Variants in ZNF83 observed in about 807,000 individuals in gnomAD.
The protein encoded by ZNF83 is zinc finger protein 83, also known as zinc finger protein 816B.
For synonymous variants in ZNF83, 209 were observed against 213.0 expected, an observed-to-expected ratio of 0.98 and a Z score of 0.17; for missense variants, 552 against 629.9, an observed-to-expected ratio of 0.88 and a Z score of 1.32.
intron 2 of ZNF83, among the ~76,000 whole-genome samples, chr19:52,633,853 T>C (rs2061055127): frequency 6.6e-6 from 1 of 152,010 alleles, no homozygotes; most frequent in Admixed American, 6.6e-5. Flanking sequence ...GAGGTTGCGG[T>C]GAGCAAAGAT....
intron 2 of ZNF83, among the ~76,000 whole-genome samples, chr19:52,615,301 T>C (rs1012532): frequency 0.2 from 30,959 of 151,854 alleles, 3,776 homozygotes; most frequent in East Asian, 0.48. Context: ...CCCAATATTA[T>C]GTTATTGCAA....
chr19:52,644,323 T>G (rs912780152), intron 3 of ZNF83, among the ~76,000 whole-genome samples: 4 of 152,166 alleles, frequency 2.6e-5, no homozygotes, highest in African/African-American at 9.6e-5. Context: ...TCACTCAGGT[T>G]GAGCTTTTCC....
At chr19:52,676,270 C>G (rs1174384792) in intron 1 of ZNF83, among the ~76,000 whole-genome samples, 1 of 152,206 alleles carries the variant, frequency 6.6e-6, no homozygotes, top group Non-Finnish European at 1.5e-5. Context: ...GACGGAGTCT[C>G]GTTCACTCAG....
chr19:52,645,121 C>A (rs2061356033), intron 3 of ZNF83, among the ~76,000 whole-genome samples: 1 of 151,856 alleles, frequency 6.6e-6, no homozygotes. Context: ...GGGAAACATG[C>A]ACTTAATAGC....
At chr19:52,664,749 G>A (rs2061626105) in intron 1 of ZNF83, among the ~76,000 whole-genome samples, 1 of 150,466 alleles carries the variant, frequency 6.6e-6, no homozygotes. Flanking sequence ...CAAGGGGCCT[G>A]GTGTGGGGGG....
At chr19:52,656,222 C>CTATATA (rs1208967617) in intron 2 of ZNF83, among the ~76,000 whole-genome samples, 2 of 127,390 alleles carry the variant, frequency 1.6e-5, no homozygotes, top group African/African-American at 5.5e-5. Context: ...CTCTCTCTCT[C>CTATATA]TCTCTATATA....
chr19:52,672,600 G>A (rs2061741407), intron 1 of ZNF83, among the ~76,000 whole-genome samples: 1 of 152,118 alleles, frequency 6.6e-6, no homozygotes, highest in Non-Finnish European at 1.5e-5. Flanking sequence ...AATTAATTAA[G>A]TTACTTATTT....
intron 2 of ZNF83, among the ~76,000 whole-genome samples, chr19:52,616,433 C>T (rs1172549311): frequency 1.3e-5 from 2 of 152,180 alleles, no homozygotes; most frequent in Admixed American, 1.3e-4. Flanking sequence ...ATGTATGTTT[C>T]TTGCAGCAAT....
At chr19:52,670,193 TGATCACCTGCCCCACCCTGACTCACTCC>T (rs1429505558) in intron 1 of ZNF83, among the ~76,000 whole-genome samples, 1 of 151,994 alleles carries the variant, frequency 6.6e-6, no homozygotes, top group Non-Finnish European at 1.5e-5. Flanking sequence ...TGACTCATTC[TGATCACCTGCCCCACCCTGACTCACTCC>T]GATTACCTGC....
intron 1 of ZNF83, among the ~76,000 whole-genome samples, chr19:52,672,845 G>A (rs2061744550): frequency 6.6e-6 from 1 of 151,754 alleles, no homozygotes; most frequent in Admixed American, 6.6e-5. Flanking sequence ...CAAAGTGCTG[G>A]GATTACAGAC....
intron 1 of ZNF83, among the ~76,000 whole-genome samples, chr19:52,675,605 A>G (rs2061789204): frequency 6.6e-6 from 1 of 152,150 alleles, no homozygotes; most frequent in African/African-American, 2.4e-5. Context: ...GGATGGGCTC[A>G]CGGGGAAATT....
chr19:52,632,382 A>C (rs201425911), intron 2 of ZNF83, among the ~76,000 whole-genome samples: 98 of 148,598 alleles, frequency 6.6e-4, no homozygotes, highest in South Asian at 1.5e-3. Flanking sequence ...TGTCCTCAGA[A>C]TGCTACAAGG....
At chr19:52,689,458 C>A (rs987370415) in intron 1 of ZNF83, among the ~76,000 whole-genome samples, 3 of 151,722 alleles carry the variant, frequency 2.0e-5, no homozygotes, top group African/African-American at 7.3e-5. Context: ...CTCTGTTCTC[C>A]TTGCCACCAG....
At chr19:52,646,456 C>T (rs543090264) in intron 3 of ZNF83, among the ~76,000 whole-genome samples, 12 of 152,172 alleles carry the variant, frequency 7.9e-5, no homozygotes, top group African/African-American at 2.4e-4. Flanking sequence ...GGCCAAGGTA[C>T]GAGGATCACT....
intron 1 of ZNF83, among the ~76,000 whole-genome samples, chr19:52,670,508 A>T (rs2061711116): frequency 6.6e-6 from 1 of 152,182 alleles, no homozygotes; most frequent in Non-Finnish European, 1.5e-5. Flanking sequence ...AGAAAATTTT[A>T]TATTTGGTGC....
chr19:52,632,911 A>G (rs570129848), intron 2 of ZNF83, among the ~76,000 whole-genome samples: 47 of 152,126 alleles, frequency 3.1e-4, no homozygotes, highest in Non-Finnish European at 4.4e-4. Context: ...TTCCCACGCC[A>G]CCCCTAATCC....
At chr19:52,657,265 C>T (rs1242130939) in intron 2 of ZNF83, among the ~76,000 whole-genome samples, 1 of 152,130 alleles carries the variant, frequency 6.6e-6, no homozygotes, top group African/African-American at 2.4e-5. Context: ...AATACAGTAA[C>T]TAAATGGAAA....
At chr19:52,678,175 A>G (rs2061849208) in intron 1 of ZNF83, among the ~76,000 whole-genome samples, 1 of 152,074 alleles carries the variant, frequency 6.6e-6, no homozygotes, top group South Asian at 2.1e-4. Flanking sequence ...GGATAAGGCC[A>G]GGCTCGGTGG....
At chr19:52,678,592 T>C (rs2061857554) in intron 1 of ZNF83, among the ~76,000 whole-genome samples, 1 of 151,926 alleles carries the variant, frequency 6.6e-6, no homozygotes, top group Non-Finnish European at 1.5e-5. Context: ...CTGGAATAAA[T>C]GAGACATGAA....
Sources: allele counts gnomAD v4.1 joint callset (sites outside exome capture counted in the v4.1 genomes callset), GRCh38; gene constraint gnomAD v4.1.1; transcripts MANE v1.5; gene names NCBI Gene and HGNC (gene_info 2026-07-23, HGNC 2026-07-21).